Variants in SDK1 observed in about 807,000 individuals in gnomAD.
SDK1 encodes sidekick cell adhesion molecule 1, also known as protein sidekick-1.
SDK1 carries 157 observed loss-of-function variants against 245.5 expected under a neutral mutation model. That is an observed-to-expected ratio of 0.64 (90% CI 0.56 to 0.73). The LOEUF (loss-of-function observed/expected upper bound fraction) is 0.73, where lower values mean the gene tolerates loss of function less well. Ranked by LOEUF, SDK1 falls within the 30% of genes least tolerant of loss-of-function variation. SDK1 has a pLI of 0.00. For synonymous variants in SDK1, 1,647 were observed against 1,278.5 expected (o/e 1.29, Z -6.15); for missense variants, 3,583 against 3,002.3 (o/e 1.19, Z -4.52).
At chr7:3,354,793 A>G (rs1459217189) in intron 1 of SDK1, among the ~76,000 whole-genome samples, 2 of 152,244 alleles carry the variant, frequency 1.3e-5, no homozygotes, top group Admixed American at 6.5e-5. Context: ...TATTGACTAG[A>G]TTATGCTTGA....
At chr7:3,371,075 G>C (rs992372827) in intron 1 of SDK1, among the ~76,000 whole-genome samples, 1 of 152,116 alleles carries the variant, frequency 6.6e-6, no homozygotes, top group African/African-American at 2.4e-5. Flanking sequence ...TACAACATAT[G>C]ATACATGTGA....
intron 1 of SDK1, among the ~76,000 whole-genome samples, chr7:3,568,902 G>A (rs962253871): frequency 6.6e-6 from 1 of 151,980 alleles, no homozygotes; most frequent in Non-Finnish European, 1.5e-5. Context: ...TTTCCCAAAG[G>A]AATTATAGGC....
chr7:3,550,274 T>C (rs1051789052), intron 1 of SDK1, among the ~76,000 whole-genome samples: 1 of 152,216 alleles, frequency 6.6e-6, no homozygotes, highest in Non-Finnish European at 1.5e-5. Flanking sequence ...AATCCCATAA[T>C]ATTTCAGTGC....
At chr7:3,885,331 C>G (rs1461984461) in intron 5 of SDK1, among the ~76,000 whole-genome samples, 1 of 152,160 alleles carries the variant, frequency 6.6e-6, no homozygotes, top group Non-Finnish European at 1.5e-5. Context: ...AATTTGGTAA[C>G]TTGGGGGTGG....
chr7:3,815,816 C>G (rs1779494397), intron 4 of SDK1, among the ~76,000 whole-genome samples: 3 of 149,960 alleles, frequency 2.0e-5, no homozygotes, highest in Admixed American at 2.0e-4. Context: ...CACACCACAC[C>G]TATTCCAAAA....
chr7:3,946,423 T>TCCCACCTCAG (rs1424017942), intron 5 of SDK1, among the ~76,000 whole-genome samples: 7 of 152,072 alleles, frequency 4.6e-5, no homozygotes, highest in African/African-American at 1.4e-4. Context: ...GAAGTGATCC[T>TCCCACCTCAG]CCCACCTCAG....
rs146206718 is a variant in SDK1 at position 4,079,437 on chromosome 7, C to T, written c.3203-26C>T. On this transcript the variant is annotated intron_variant, in intron 21 of 44. Coordinates refer to ENST00000404826, the MANE Select transcript of SDK1 (RefSeq NM_152744.4). ...AAGCTGTGACGGACTGTAAATCTCT[C>T]CCTTTCCTCCCTGGTTCCTCTCTAG... 75 of 1,613,168 alleles carry T rather than the reference C, an allele frequency of 4.6e-5. No homozygotes were observed. The African/African-American group carries it at 9.2e-4, about 20-fold the overall frequency.
At chr7:3,992,123 G>A (rs902774021) in intron 14 of SDK1, among the ~76,000 whole-genome samples, 5 of 152,194 alleles carry the variant, frequency 3.3e-5, no homozygotes, top group Admixed American at 2.0e-4. Context: ...CCTGGAAGCC[G>A]GGGATCCTGC....
chr7:4,063,035 A>G (rs567617760), intron 19 of SDK1, among the ~76,000 whole-genome samples: 2 of 152,346 alleles, frequency 1.3e-5, no homozygotes, highest in South Asian at 2.1e-4. Flanking sequence ...CTTTCCTCTG[A>G]TAACTGGAAC....
intron 1 of SDK1, among the ~76,000 whole-genome samples, chr7:3,467,653 A>C (rs963160135): frequency 2.0e-5 from 3 of 152,086 alleles, no homozygotes; most frequent in Admixed American, 6.5e-5. Context: ...CTTAAGAACA[A>C]AGTTTGTTTA....
At chr7:3,793,452 C>T (rs1778868846) in intron 4 of SDK1, among the ~76,000 whole-genome samples, 1 of 152,150 alleles carries the variant, frequency 6.6e-6, no homozygotes, top group Non-Finnish European at 1.5e-5. Flanking sequence ...TTTCAGTGCA[C>T]AATGACGGTG....
intron 1 of SDK1, among the ~76,000 whole-genome samples, chr7:3,611,529 G>A (rs186081939): frequency 1.3e-3 from 204 of 152,128 alleles, no homozygotes; most frequent in Middle Eastern, 3.4e-3. Flanking sequence ...TCTCTTTTTC[G>A]TGTAATGCCT....
intron 35 of SDK1, among the ~76,000 whole-genome samples, chr7:4,180,718 C>T (rs1323038068): frequency 6.6e-6 from 1 of 152,188 alleles, no homozygotes; most frequent in Non-Finnish European, 1.5e-5. Context: ...AGGAAGCTTC[C>T]AATCATGGTG....
At chr7:3,429,475 G>C (rs192167683) in intron 1 of SDK1, among the ~76,000 whole-genome samples, 1 of 152,204 alleles carries the variant, frequency 6.6e-6, no homozygotes, top group Admixed American at 6.5e-5. Flanking sequence ...ATGAAAAGAA[G>C]GATATTTGGG....
At chr7:3,468,263 C>T (rs1461198423) in intron 1 of SDK1, among the ~76,000 whole-genome samples, 2 of 152,086 alleles carry the variant, frequency 1.3e-5, no homozygotes, top group Admixed American at 6.5e-5. Context: ...GATGTGTTTT[C>T]TGAAATGATA....
chr7:3,383,251 C>G (rs1781533111), intron 1 of SDK1, among the ~76,000 whole-genome samples: 1 of 152,016 alleles, frequency 6.6e-6, no homozygotes, highest in South Asian at 2.1e-4. Context: ...ACTACCAAAA[C>G]ATAACAAAAA....
intron 2 of SDK1, among the ~76,000 whole-genome samples, chr7:3,622,492 T>C (rs1216349494): frequency 6.6e-6 from 1 of 152,032 alleles, no homozygotes; most frequent in Non-Finnish European, 1.5e-5. Context: ...AAAAACAAAA[T>C]TTTAAAAAAA....
chr7:4,236,096 G>A (rs1448547415), intron 41 of SDK1, among the ~76,000 whole-genome samples: 1 of 152,370 alleles, frequency 6.6e-6, no homozygotes, highest in African/African-American at 2.4e-5. Context: ...CCGATTCCCT[G>A]TTCTTCTTCC....
chr7:3,894,076 A>G (rs1781531269), intron 5 of SDK1, among the ~76,000 whole-genome samples: 1 of 152,170 alleles, frequency 6.6e-6, no homozygotes, highest in Admixed American at 6.5e-5. Flanking sequence ...CATTCTAAAT[A>G]TGGCAAGGAG....
Sources: allele counts gnomAD v4.1 joint callset (sites outside exome capture counted in the v4.1 genomes callset), GRCh38; gene constraint gnomAD v4.1.1; transcripts MANE v1.5; gene names NCBI Gene and HGNC (gene_info 2026-07-23, HGNC 2026-07-21).